TSPAN9: variants seen among roughly 807,000 people sequenced by gnomAD.
TSPAN9 encodes the protein tetraspanin 9, also known as tetraspanin-9.
TSPAN9 carries 16 observed loss-of-function variants against 31.0 expected under a neutral mutation model. That is an observed-to-expected ratio of 0.52 (90% CI 0.35 to 0.78). The LOEUF is 0.78. Ranked by LOEUF, TSPAN9 falls within the 30% of genes least tolerant of loss-of-function variation. The pLI is 0.01. For synonymous variants in TSPAN9, 145 were observed against 121.6 expected, an observed-to-expected ratio of 1.19 and a Z score of -1.27; for missense variants, 272 against 312.5, an observed-to-expected ratio of 0.87 and a Z score of 0.98.
At chr12:3,240,561 C>A (rs7307189) in intron 3 of TSPAN9, among the ~76,000 whole-genome samples, 1,663 of 152,246 alleles carry the variant, frequency 0.011, 26 homozygotes, top group African/African-American at 0.038. Flanking sequence ...GGATCTGAAT[C>A]CGGGTCTCAG....
At chr12:3,161,135 C>T (rs926621212) in intron 2 of TSPAN9, among the ~76,000 whole-genome samples, 50 of 152,200 alleles carry the variant, frequency 3.3e-4, no homozygotes, top group Non-Finnish European at 5.7e-4. Flanking sequence ...GCAGGAGAAT[C>T]GCTTGAACCT....
intron 1 of TSPAN9, among the ~76,000 whole-genome samples, 182 bp from the exon 2 acceptor site, chr12:3,083,471 C>G (rs1205868666): frequency 6.6e-6 from 1 of 152,214 alleles, no homozygotes; most frequent in Non-Finnish European, 1.5e-5. Flanking sequence ...TGGGTACCCA[C>G]CGCCAACTGA....
chr12:3,103,625 A>G (rs918970643), intron 2 of TSPAN9, among the ~76,000 whole-genome samples: 29 of 152,212 alleles, frequency 1.9e-4, no homozygotes, highest in African/African-American at 7.0e-4. Context: ...ATGTATTCCT[A>G]GACACTGCTC....
In TSPAN9 at chr12:3,136,854, TTGGC is replaced by T. The variant is rs1416060997; in HGVS notation, c.-18+53139_-18+53142del. ...GCTGGAGGCAGGGGTGGGGGGCACA[TTGGC>T]TGGGGACCCCTCTAAGGCAGGGCTG... On this transcript the variant is annotated intron_variant, in intron 2 of 8. Coordinates refer to ENST00000011898, the MANE Select transcript of TSPAN9 (RefSeq NM_006675.5). Among the ~76,000 whole-genome samples the T allele has an allele frequency of 3.3e-5, 5 of 152,272 alleles. No individual in the cohort carries two copies. In the East Asian group the frequency reaches 9.7e-4, roughly 29 times the overall value.
chr12:3,279,152 A>G lies in TSPAN9; in HGVS notation c.330+86A>G. 1.1e-5 allele frequency: 14 copies of G among 1,222,828 alleles called. No individual in the cohort carries two copies. In the Middle Eastern group the frequency reaches 5.7e-4, roughly 49 times the overall value. 75.7% of individuals were successfully genotyped at this position (1,222,828 alleles called of 1,614,324 possible). On this transcript the variant is annotated intron_variant, in intron 5 of 8. Transcript: ENST00000011898. Reference sequence around the variant, plus strand: ...GCAGGCCAGGGTCCCTTCCCTGGCCAGAGGAAGAGTGCTGGCAAGCAGCAC... The same window carrying G: ...GCAGGCCAGGGTCCCTTCCCTGGCCGGAGGAAGAGTGCTGGCAAGCAGCAC...
chr12:3,152,109 G>A (rs2098340058), intron 2 of TSPAN9, among the ~76,000 whole-genome samples: 1 of 152,208 alleles, frequency 6.6e-6, no homozygotes, highest in Non-Finnish European at 1.5e-5. Context: ...TTCATGGCGG[G>A]GAATCTCTCC....
At chr12:3,235,573 A>G (rs887985420) in intron 3 of TSPAN9, among the ~76,000 whole-genome samples, 1 of 152,148 alleles carries the variant, frequency 6.6e-6, no homozygotes, top group African/African-American at 2.4e-5. Context: ...CAGGGGCTAC[A>G]TGGATCAACA....
chr12:3,188,858 G>A (rs969166373), intron 2 of TSPAN9, among the ~76,000 whole-genome samples: 1 of 152,108 alleles, frequency 6.6e-6, no homozygotes. Flanking sequence ...AGTGTTAGAG[G>A]GTGTCCGATA....
chr12:3,192,188 A>G lies in TSPAN9; in HGVS notation c.-17-8989A>G, dbSNP rs892666572. 7.2e-5 allele frequency among the ~76,000 whole-genome samples: 11 copies of G among 152,212 alleles called. No individual in the cohort carries two copies. The highest frequency in any genetic ancestry group is 2.2e-4 in the African/African-American group (9 of 41,450). On this transcript the variant is annotated intron_variant, in intron 2 of 8. Transcript: ENST00000011898. The surrounding 1 kb of genome is among the most constrained non-coding windows in gnomAD (Gnocchi z 4.6). Reference sequence around the variant, plus strand: ...GGGTTGCTCTAAGGATTTGGACTGTACTAGAAAAGTAGACTAGGAAACACA... The same window carrying G: ...GGGTTGCTCTAAGGATTTGGACTGTGCTAGAAAAGTAGACTAGGAAACACA...
intron 3 of TSPAN9, among the ~76,000 whole-genome samples, chr12:3,251,224 ACCT>A (rs1226386309): frequency 6.6e-6 from 1 of 151,942 alleles, no homozygotes; most frequent in Non-Finnish European, 1.5e-5. Flanking sequence ...CCCAGCAGAG[ACCT>A]CCTCCATGAC....
intron 2 of TSPAN9, among the ~76,000 whole-genome samples, chr12:3,189,020 C>T (rs1023308520): frequency 6.6e-6 from 1 of 152,198 alleles, no homozygotes; most frequent in Non-Finnish European, 1.5e-5. Flanking sequence ...GGTGAGCTCT[C>T]CCCGCTTGGA....
At chr12:3,234,094 C>T (rs991099744) in intron 3 of TSPAN9, among the ~76,000 whole-genome samples, 1 of 152,178 alleles carries the variant, frequency 6.6e-6, no homozygotes, top group African/African-American at 2.4e-5. Context: ...GCCCTGCTTT[C>T]CCATCCTGGA....
chr12:3,125,610 C>T (rs1223177748), intron 2 of TSPAN9, among the ~76,000 whole-genome samples: 1 of 151,922 alleles, frequency 6.6e-6, no homozygotes, highest in African/African-American at 2.4e-5. Flanking sequence ...GTTCTTTCTT[C>T]TCATGGAATT....
chr12:3,221,105 C>G (rs1432129047), intron 3 of TSPAN9, among the ~76,000 whole-genome samples: 5 of 152,146 alleles, frequency 3.3e-5, no homozygotes, highest in African/African-American at 1.2e-4. Context: ...GGTCGCCACC[C>G]TCAGCAGGTG....
rs1250712508 is a variant in TSPAN9 at position 3,246,082 on chromosome 12, A to G, written c.64-32339A>G. Among the ~76,000 whole-genome samples, 4 of 151,612 alleles carry G rather than the reference A, an allele frequency of 2.6e-5. No individual in the cohort carries two copies. In the East Asian group the frequency reaches 6.0e-4, roughly 23 times the overall value. On this transcript the variant is annotated intron_variant, in intron 3 of 8. Coordinates refer to ENST00000011898, the MANE Select transcript of TSPAN9 (RefSeq NM_006675.5). ...GCTGTACAGGAAGCATGGTGCCGGC[A>G]TCTGCTTGGCTTCTGCTGAGGCCTC...
At chr12:3,086,889 G>A (rs866657900) in intron 2 of TSPAN9, among the ~76,000 whole-genome samples, 3 of 152,354 alleles carry the variant, frequency 2.0e-5, no homozygotes, top group Middle Eastern at 3.4e-3. Context: ...CTGGCTGTGC[G>A]CACACTTGGA....
chr12:3,242,080 G>A (rs1006312559), intron 3 of TSPAN9, among the ~76,000 whole-genome samples: 2 of 152,254 alleles, frequency 1.3e-5, no homozygotes, highest in Non-Finnish European at 2.9e-5. Context: ...CACCTCTAAT[G>A]TTCCTGAGGC....
rs1241389986 is a variant in TSPAN9 at position 3,168,945 on chromosome 12, CAT to C, written c.-17-32231_-17-32230del. 1.3e-5 allele frequency among the ~76,000 whole-genome samples: 2 copies of C among 152,208 alleles called. No homozygotes were observed. The highest frequency in any genetic ancestry group is 2.4e-5 in the African/African-American group (1 of 41,462). ...GTGGGGAAATACAAGGTGGTGATCT[CAT>C]GTGGCATTAAACGGAGCTGGGAACA... On this transcript the variant is annotated intron_variant, in intron 2 of 8. Transcript: ENST00000011898. The surrounding 1 kb of genome is among the most constrained non-coding windows in gnomAD (Gnocchi z 4.0).
intron 1 of TSPAN9, among the ~76,000 whole-genome samples, chr12:3,078,591 A>G (rs777527885): frequency 6.6e-6 from 1 of 152,228 alleles, no homozygotes; most frequent in Non-Finnish European, 1.5e-5. Flanking sequence ...TATTTAGCTA[A>G]GGAATGCAGC....
Sources: gnomAD v4.1 joint callset for allele counts (sites outside exome capture counted in the v4.1 genomes callset) on GRCh38, gnomAD v4.1.1 for gene constraint, Gnocchi (gnomAD v3.1) non-coding constraint, MANE v1.5 for transcripts, NCBI Gene and HGNC (gene_info 2026-07-23, HGNC 2026-07-21) for gene names.